CDH9: variants seen among roughly 807,000 people sequenced by gnomAD.
The protein encoded by CDH9 is cadherin 9, also known as cadherin-9.
Under a neutral mutation model 70.9 loss-of-function variants are expected in CDH9, and 28 were observed. The observed-to-expected ratio is 0.40, with a 90% confidence interval of 0.29 to 0.54. The LOEUF is 0.54. Ranked by LOEUF, CDH9 falls within the 20% of genes least tolerant of loss-of-function variation. The pLI is 0.59. For synonymous variants in CDH9, 409 were observed against 343.1 expected (o/e 1.19, Z -2.12); for missense variants, 874 against 984.4 (o/e 0.89, Z 1.50).
At chr5:26,989,389 T>C (rs1167559230) in intron 1 of CDH9, among the ~76,000 whole-genome samples, 3 of 152,102 alleles carry the variant, frequency 2.0e-5, no homozygotes, top group Non-Finnish European at 4.4e-5. Context: ...CATTGGGTTA[T>C]ACAATCAAAT....
At chr5:27,023,554 ATTTG>A (rs1205897155) in intron 1 of CDH9, among the ~76,000 whole-genome samples, 6 of 151,658 alleles carry the variant, frequency 4.0e-5, no homozygotes, top group South Asian at 2.1e-4. Flanking sequence ...TTTTTTGTTT[ATTTG>A]TTTGTTTGCT....
At chr5:26,938,613 A>G (rs1741603307) in intron 2 of CDH9, among the ~76,000 whole-genome samples, 1 of 152,134 alleles carries the variant, frequency 6.6e-6, no homozygotes, top group African/African-American at 2.4e-5. Flanking sequence ...AGACAGAGTA[A>G]GTGCATTCTT....
chr5:26,906,231 G>T (rs1740946362), intron 4 of CDH9, 105 bp from the exon 5 acceptor site: 1 of 883,736 alleles, frequency 1.1e-6, no homozygotes, highest in Admixed American at 2.4e-5. Flanking sequence ...AACATAAAAT[G>T]TCAGTGTATT....
At chr5:26,899,191 G>C (rs887550118) in intron 7 of CDH9, among the ~76,000 whole-genome samples, 1 of 152,134 alleles carries the variant, frequency 6.6e-6, no homozygotes, top group African/African-American at 2.4e-5. Flanking sequence ...AGAGTATGTG[G>C]AGAAATAGGA....
intron 2 of CDH9, among the ~76,000 whole-genome samples, chr5:26,923,366 T>A (rs1181868249): frequency 1.3e-5 from 2 of 151,818 alleles, no homozygotes; most frequent in African/African-American, 4.8e-5. Flanking sequence ...CAAGAAGATA[T>A]AACAATTGTA....
At chr5:26,998,869 T>C (rs982085265) in intron 1 of CDH9, among the ~76,000 whole-genome samples, 7 of 152,184 alleles carry the variant, frequency 4.6e-5, no homozygotes, top group African/African-American at 1.7e-4. Context: ...CACAAGATTT[T>C]ATGAAGAATC....
In CDH9 at chr5:27,001,842, A is replaced by ACTCTCTCT. The variant is rs1430161167; in HGVS notation, c.-49-13461_-49-13460insAGAGAGAG. Among the ~76,000 whole-genome samples, 976 of 125,830 alleles carry ACTCTCTCT rather than the reference A, an allele frequency of 7.8e-3. 11 individuals are homozygous for ACTCTCTCT. Among genetic ancestry groups the ACTCTCTCT allele is most frequent in the African/African-American group, 0.029 (936 of 32,102 alleles). 82.5% of individuals were successfully genotyped at this position (125,830 alleles called of 152,430 possible). ...CAGTGCTTAACATACACACACACAC[A>ACTCTCTCT]CACTCTCTCTCTCTCTCTCTCTCTC... On this transcript the variant is annotated intron_variant, in intron 1 of 11. Coordinates refer to ENST00000231021, the MANE Select transcript of CDH9 (RefSeq NM_016279.4).
intron 7 of CDH9, among the ~76,000 whole-genome samples, chr5:26,901,731 C>A (rs1466397663): frequency 1.3e-5 from 2 of 151,486 alleles, no homozygotes; most frequent in Admixed American, 6.6e-5. Flanking sequence ...CTATATATGC[C>A]CCAACTATAT....
intron 2 of CDH9, among the ~76,000 whole-genome samples, chr5:26,937,791 T>C (rs1741585925): frequency 1.3e-5 from 2 of 152,030 alleles, no homozygotes; most frequent in South Asian, 4.1e-4. Context: ...GCAAGTACAA[T>C]GTTCAGTGAT....
chr5:27,023,714 C>G (rs531844035), intron 1 of CDH9, among the ~76,000 whole-genome samples: 1 of 151,908 alleles, frequency 6.6e-6, no homozygotes, highest in East Asian at 1.9e-4. Context: ...GTTCTTATAT[C>G]CAACAGAGAT....
At chr5:26,945,963 AAACT>A (rs1741745745) in intron 2 of CDH9, among the ~76,000 whole-genome samples, 2 of 152,312 alleles carry the variant, frequency 1.3e-5, no homozygotes, top group Admixed American at 6.5e-5. Flanking sequence ...TTTAACAAAC[AAACT>A]AAGAGAAAAT....
intron 2 of CDH9, among the ~76,000 whole-genome samples, chr5:26,957,215 AG>A (rs1443144955): frequency 6.6e-6 from 1 of 152,158 alleles, no homozygotes; most frequent in African/African-American, 2.4e-5. Flanking sequence ...AAAATACTAA[AG>A]GAAATAAAAG....
At chr5:26,993,803 G>A (rs1001516722) in intron 1 of CDH9, among the ~76,000 whole-genome samples, 2 of 150,528 alleles carry the variant, frequency 1.3e-5, no homozygotes, top group African/African-American at 4.9e-5. Context: ...AGGGACTATT[G>A]CCTCACTTTC....
intron 2 of CDH9, among the ~76,000 whole-genome samples, chr5:26,947,106 G>T (rs1286727662): frequency 1.3e-5 from 2 of 152,080 alleles, no homozygotes; most frequent in South Asian, 2.1e-4. Context: ...GACTATATCT[G>T]CCATTCAACC....
chr5:26,883,475 A>ACAT (rs530685329), intron 11 of CDH9, among the ~76,000 whole-genome samples: 38 of 152,118 alleles, frequency 2.5e-4, no homozygotes, highest in South Asian at 4.1e-4. Context: ...GAAAAAAAGT[A>ACAT]CATCATTATT....
chr5:26,985,175 C>T (rs1162775464), intron 2 of CDH9, among the ~76,000 whole-genome samples: 1 of 152,044 alleles, frequency 6.6e-6, no homozygotes, highest in Non-Finnish European at 1.5e-5. Flanking sequence ...ATTAGACCAG[C>T]CTCTTTTTTT....
intron 2 of CDH9, among the ~76,000 whole-genome samples, chr5:26,980,521 C>G (rs1383656883): frequency 6.6e-6 from 1 of 151,950 alleles, no homozygotes; most frequent in Non-Finnish European, 1.5e-5. Flanking sequence ...ATAAACACCA[C>G]CACTGCAGCT....
chr5:26,981,827 A>G (rs1008713051), intron 2 of CDH9, among the ~76,000 whole-genome samples: 5 of 152,146 alleles, frequency 3.3e-5, no homozygotes, highest in African/African-American at 1.2e-4. Flanking sequence ...AAAAATATTT[A>G]GACAACTTAC....
rs368279002 is a variant in CDH9 at position 26,915,865 on chromosome 5, C to G, written c.288G>C (p.Gly96=). Residue 96 remains glycine (G), a synonymous_variant, in exon 3 of 12, where the codon GGG becomes GGC. Transcript: ENST00000231021. ...GNLKYILTGD[G]AGSLFVIDEN... is the part of the protein sequence containing the mutation. ...CATCTATAACAAATAGACTGCCAGCCCCATCTCCTGTTAGTATGTATTTTA... is the reference window on the plus strand; with the variant it reads ...CATCTATAACAAATAGACTGCCAGCGCCATCTCCTGTTAGTATGTATTTTA... 1.2e-5 allele frequency: 19 copies of G among 1,611,676 alleles called. No individual in the cohort carries two copies. In the East Asian group the frequency reaches 1.3e-4, roughly 11 times the overall value.
Sources: allele counts gnomAD v4.1 joint callset (sites outside exome capture counted in the v4.1 genomes callset), GRCh38; gene constraint gnomAD v4.1.1; transcripts MANE v1.5; gene names NCBI Gene and HGNC (gene_info 2026-07-23, HGNC 2026-07-21).